CSMD3: variants seen among roughly 807,000 people sequenced by gnomAD.
CSMD3 encodes the protein CUB and sushi domain-containing protein 3.
A neutral mutation model predicts 435.2 loss-of-function variants in CSMD3; 177 were observed. That is an observed-to-expected ratio of 0.41 (90% confidence interval 0.36 to 0.46). The LOEUF (loss-of-function observed/expected upper bound fraction) is 0.46. Among genes scored for constraint, CSMD3 ranks in the 20% least tolerant of loss-of-function variants. The pLI is 0.34. For missense variants in CSMD3, 4,265 were observed against 4,504.6 expected, an observed-to-expected ratio of 0.95 and a Z score of 1.52; for synonymous variants, 1,656 against 1,520.5, an observed-to-expected ratio of 1.09 and a Z score of -2.07.
intron 7 of CSMD3, among the ~76,000 whole-genome samples, chr8:112,962,818 C>T (rs995552610): frequency 2.0e-5 from 3 of 151,932 alleles, no homozygotes; most frequent in Non-Finnish European, 2.9e-5. Context: ...CTATTCTCCT[C>T]CTTGTTCTCT....
At chr8:112,412,573 T>C (rs1811473542) in intron 32 of CSMD3, among the ~76,000 whole-genome samples, 1 of 152,170 alleles carries the variant, frequency 6.6e-6, no homozygotes, top group South Asian at 2.1e-4. Flanking sequence ...AAAATGTTTT[T>C]ATCTCTTTTG....
chr8:112,737,707 T>G (rs921259301), intron 13 of CSMD3, among the ~76,000 whole-genome samples: 4 of 151,884 alleles, frequency 2.6e-5, no homozygotes, highest in African/African-American at 9.7e-5. Flanking sequence ...CGTAAGTGGC[T>G]GAATGTGCTA....
intron 6 of CSMD3, among the ~76,000 whole-genome samples, chr8:112,979,146 T>C (rs1415117521): frequency 1.3e-5 from 2 of 151,994 alleles, no homozygotes; most frequent in African/African-American, 2.4e-5. Flanking sequence ...TTTTTGTTGT[T>C]ATTTCCAAAA....
intron 5 of CSMD3, among the ~76,000 whole-genome samples, chr8:113,027,371 G>A (rs370295295): frequency 2.6e-5 from 4 of 152,054 alleles, no homozygotes; most frequent in South Asian, 2.1e-4. Context: ...TGTGTTGTGC[G>A]GGGTACTAAA....
At chr8:113,183,249 CCT>C (rs2092449378) in intron 3 of CSMD3, among the ~76,000 whole-genome samples, 1 of 152,068 alleles carries the variant, frequency 6.6e-6, no homozygotes, top group Non-Finnish European at 1.5e-5. Flanking sequence ...TTATACCCTA[CCT>C]CTGCTAATGC....
chr8:113,003,266 G>A (rs1322179447), intron 6 of CSMD3, among the ~76,000 whole-genome samples: 3 of 151,462 alleles, frequency 2.0e-5, no homozygotes, highest in Non-Finnish European at 2.9e-5. Flanking sequence ...TAAATAAATA[G>A]ATAAATAAAT....
chr8:113,059,111 T>C (rs946973093), intron 5 of CSMD3, among the ~76,000 whole-genome samples: 10 of 152,158 alleles, frequency 6.6e-5, no homozygotes, highest in Admixed American at 1.3e-4. Context: ...ACATTTGTGA[T>C]GGTTAAAAAT....
chr8:112,950,188 CA>C (rs1185198718), intron 8 of CSMD3, among the ~76,000 whole-genome samples: 2 of 151,802 alleles, frequency 1.3e-5, no homozygotes, highest in Non-Finnish European at 2.9e-5. Flanking sequence ...ATATTTTCAA[CA>C]AATATGTCCT....
rs577851133 is a variant in CSMD3 at position 113,200,037 on chromosome 8, C to A, written c.515-26121G>T. On this transcript the variant is annotated intron_variant, in intron 3 of 70. Transcript: ENST00000297405. ...TTTATATACCCAAATGCCTGTTGAA[C>A]ATCTCCATTTAGATGCCTCATGGGA... 2.0e-5 allele frequency among the ~76,000 whole-genome samples: 3 copies of A among 152,024 alleles called. No homozygotes were observed. The Admixed American group carries it at 2.0e-4, about 10-fold the overall frequency.
At chr8:112,459,408 T>A (rs918050324) in intron 32 of CSMD3, among the ~76,000 whole-genome samples, 2 of 151,836 alleles carry the variant, frequency 1.3e-5, no homozygotes, top group African/African-American at 4.8e-5. Context: ...TCTCAAAATA[T>A]TTAATCAGTA....
At chr8:112,461,853 A>T (rs1022776611) in intron 32 of CSMD3, among the ~76,000 whole-genome samples, 12 of 152,198 alleles carry the variant, frequency 7.9e-5, no homozygotes, top group African/African-American at 2.7e-4. Context: ...GAATTTAATG[A>T]AATTATATGA....
intron 12 of CSMD3, among the ~76,000 whole-genome samples, chr8:112,805,225 G>T (rs1209875134): frequency 6.6e-6 from 1 of 152,048 alleles, no homozygotes; most frequent in African/African-American, 2.4e-5. Context: ...GAACTCCCTG[G>T]AATAAAAGGA....
chr8:112,629,601 T>C (rs183263951), intron 22 of CSMD3, among the ~76,000 whole-genome samples: 1 of 152,248 alleles, frequency 6.6e-6, no homozygotes. Flanking sequence ...CCAGGATGCA[T>C]ATAGCCATGT....
intron 3 of CSMD3, among the ~76,000 whole-genome samples, chr8:113,201,517 G>T (rs747228557): frequency 1.3e-5 from 2 of 151,796 alleles, no homozygotes; most frequent in African/African-American, 2.4e-5. Flanking sequence ...TTTTGATAAG[G>T]ATACTATATA....
chr8:113,079,237 C>T (rs1238434932), intron 5 of CSMD3, among the ~76,000 whole-genome samples: 2 of 151,984 alleles, frequency 1.3e-5, no homozygotes, highest in Admixed American at 1.3e-4. Flanking sequence ...TGTCATTGTT[C>T]AATACATAAT....
At chr8:112,614,370 C>A (rs1431858408) in intron 22 of CSMD3, among the ~76,000 whole-genome samples, 1 of 152,090 alleles carries the variant, frequency 6.6e-6, no homozygotes, top group Non-Finnish European at 1.5e-5. Context: ...CTTTGACAAG[C>A]CTTTGCTCAG....
rs950369356 is a variant in CSMD3, at chr8:113,243,034, T to A, written c.514+35558A>T. Among the ~76,000 whole-genome samples, 3 of 152,000 alleles carry A rather than the reference T, an allele frequency of 2.0e-5. No individual in the cohort carries two copies. In the South Asian group the frequency reaches 6.2e-4, roughly 31 times the overall value. ...GGTAAAACCTGACAATAGTTCTGCA[T>A]AAATTTGAAGTTATTAAAGCAATTT... On this transcript the variant is annotated intron_variant, in intron 3 of 70. Transcript: ENST00000297405.
chr8:112,798,499 A>G (rs1247015885), intron 13 of CSMD3, among the ~76,000 whole-genome samples: 1 of 151,802 alleles, frequency 6.6e-6, no homozygotes. Context: ...GTAGGGCATT[A>G]TTCATTTAGA....
intron 41 of CSMD3, 100 bp downstream of exon 41, chr8:112,345,997 T>C (rs1825634449): frequency 2.5e-6 from 2 of 803,394 alleles, no homozygotes; most frequent in Admixed American, 1.7e-5. Flanking sequence ...TAAACTGCAA[T>C]TTGTGAAGAT....
Sources: allele counts gnomAD v4.1 joint callset (sites outside exome capture counted in the v4.1 genomes callset), GRCh38; gene constraint gnomAD v4.1.1; transcripts MANE v1.5; gene names NCBI Gene and HGNC (gene_info 2026-07-23, HGNC 2026-07-21).